The following SH3GL3 variants were observed in gnomAD, a reference collection of about 807,000 sequenced individuals.
SH3GL3 encodes SH3 domain containing GRB2 like 3, endophilin A3.
SH3GL3 carries 33 observed loss-of-function variants against 47.7 expected under a neutral mutation model. The observed-to-expected ratio is 0.69, with a 90% CI of 0.52 to 0.92. The LOEUF (loss-of-function observed/expected upper bound fraction) is 0.92. SH3GL3 is among the 40% of genes least tolerant of loss of function. SH3GL3 has a pLI of 0.00. For missense variants in SH3GL3, 363 were observed against 417.8 expected (o/e 0.87, Z 1.14); for synonymous variants, 155 against 148.8 (o/e 1.04, Z -0.30).
At chr15:83,613,392 A>G (rs1175819660) in intron 8 of SH3GL3, among the ~76,000 whole-genome samples, 1 of 152,210 alleles carries the variant, frequency 6.6e-6, no homozygotes, top group Non-Finnish European at 1.5e-5. Context: ...AAAGTGGGCA[A>G]TGTGGCAGTG....
intron 1 of SH3GL3, among the ~76,000 whole-genome samples, chr15:83,513,477 G>T (rs150616855): frequency 1.8e-4 from 27 of 152,210 alleles, no homozygotes; most frequent in African/African-American, 6.5e-4. Context: ...GCATCCTGTG[G>T]TGCCTCGGCT....
intron 8 of SH3GL3, among the ~76,000 whole-genome samples, chr15:83,601,120 T>C (rs182597835): frequency 1.8e-4 from 27 of 152,286 alleles, no homozygotes; most frequent in African/African-American, 6.5e-4. Context: ...GTTTTCTAGG[T>C]ATACAATTAT....
At chr15:83,495,432 G>A (rs2042040647) in intron 1 of SH3GL3, among the ~76,000 whole-genome samples, 1 of 152,194 alleles carries the variant, frequency 6.6e-6, no homozygotes, top group Non-Finnish European at 1.5e-5. Context: ...GAATGTGAGG[G>A]AATAAGAAAA....
chr15:83,593,646 G>A lies in SH3GL3; in HGVS notation c.838+4875G>A, dbSNP rs184486037. 2.0e-3 allele frequency among the ~76,000 whole-genome samples: 305 copies of A among 152,174 alleles called. 2 individuals are homozygous for A. The highest frequency in any genetic ancestry group is 0.013 in the Admixed American group (203 of 15,290). On this transcript the variant is annotated intron_variant, in intron 8 of 8. Coordinates refer to ENST00000427482, the MANE Select transcript of SH3GL3 (RefSeq NM_003027.5). ...GATGTTCACGTCATCTATAAATGAA[G>A]ACAGTTTTACTCAATATCTGCATGC...
chr15:83,495,662 AGGAGGC>A (rs1300625589), intron 1 of SH3GL3, among the ~76,000 whole-genome samples: 1 of 152,086 alleles, frequency 6.6e-6, no homozygotes, highest in African/African-American at 2.4e-5. Context: ...GCTTGAACCC[AGGAGGC>A]GGAGGTTGCA....
At chr15:83,555,777 T>C (rs898718638) in intron 1 of SH3GL3, among the ~76,000 whole-genome samples, 1 of 152,240 alleles carries the variant, frequency 6.6e-6, no homozygotes, top group Non-Finnish European at 1.5e-5. Context: ...TTAGATCCTT[T>C]TGTACTCAGC....
chr15:83,610,830 A>G (rs374265189), intron 8 of SH3GL3, among the ~76,000 whole-genome samples: 1 of 152,124 alleles, frequency 6.6e-6, no homozygotes, highest in East Asian at 1.9e-4. Context: ...GCACATGGTA[A>G]ACACTAACAC....
intron 1 of SH3GL3, among the ~76,000 whole-genome samples, chr15:83,514,932 A>G (rs1236625136): frequency 6.6e-6 from 1 of 152,068 alleles, no homozygotes; most frequent in Non-Finnish European, 1.5e-5. Flanking sequence ...CAATGCGAGG[A>G]TGGAAGCAAG....
In SH3GL3 at chr15:83,533,897, C is replaced by T. The variant is rs138719730; in HGVS notation, c.46-25356C>T. On this transcript the variant is annotated intron_variant, in intron 1 of 8. Coordinates refer to ENST00000427482, the MANE Select transcript of SH3GL3 (RefSeq NM_003027.5). ...TTCCCTCTGGTTAGTATTTACTTGACTCATGCAATGTACGTTTTTATTTCT... is the reference window on the plus strand; with the variant it reads ...TTCCCTCTGGTTAGTATTTACTTGATTCATGCAATGTACGTTTTTATTTCT... 8.2e-3 allele frequency among the ~76,000 whole-genome samples: 1,251 copies of T among 152,256 alleles called. 21 individuals carry two copies. Among genetic ancestry groups the T allele is most frequent in the Non-Finnish European group, 8.9e-3 (603 of 68,010 alleles).
chr15:83,515,068 C>CT (rs1226381321), intron 1 of SH3GL3, among the ~76,000 whole-genome samples: 1 of 152,118 alleles, frequency 6.6e-6, no homozygotes, highest in African/African-American at 2.4e-5. Flanking sequence ...CTGCCAGCCC[C>CT]TTGATTTTAG....
At chr15:83,570,266 C>T (rs2045749944) in intron 4 of SH3GL3, among the ~76,000 whole-genome samples, 1 of 152,036 alleles carries the variant, frequency 6.6e-6, no homozygotes, top group Non-Finnish European at 1.5e-5. Flanking sequence ...CCAACTTTCT[C>T]CTGATGATTT....
intron 1 of SH3GL3, among the ~76,000 whole-genome samples, chr15:83,467,285 C>CA (rs2040612617): frequency 6.6e-6 from 1 of 152,212 alleles, no homozygotes; most frequent in South Asian, 2.1e-4. Context: ...CCACGTGTTG[C>CA]AAAGGCTATC....
At chr15:83,612,701 C>T (rs2060701247) in intron 8 of SH3GL3, among the ~76,000 whole-genome samples, 1 of 152,312 alleles carries the variant, frequency 6.6e-6, no homozygotes, top group East Asian at 1.9e-4. Flanking sequence ...ACCCTCTTCT[C>T]ACTGCAGGCC....
intron 1 of SH3GL3, among the ~76,000 whole-genome samples, chr15:83,487,409 G>A (rs149432097): frequency 0.012 from 1,747 of 151,518 alleles, 17 homozygotes; most frequent in Non-Finnish European, 0.015. Flanking sequence ...TCTTTTTTCC[G>A]TCTGTTTACT....
intron 1 of SH3GL3, among the ~76,000 whole-genome samples, chr15:83,515,938 AC>A (rs1418611534): frequency 3.3e-5 from 5 of 152,248 alleles, no homozygotes; most frequent in Non-Finnish European, 7.3e-5. Context: ...AGAAACATAT[AC>A]ATCACAGTAA....
intron 6 of SH3GL3, among the ~76,000 whole-genome samples, chr15:83,583,093 C>T (rs1290871449): frequency 1.3e-5 from 2 of 152,174 alleles, no homozygotes; most frequent in African/African-American, 4.8e-5. Context: ...TGAAGGTGAC[C>T]TCTATGGGAA....
At chr15:83,507,426 T>A (rs945677940) in intron 1 of SH3GL3, among the ~76,000 whole-genome samples, 25 of 152,046 alleles carry the variant, frequency 1.6e-4, no homozygotes, top group African/African-American at 3.9e-4. Context: ...TATTATTATT[T>A]TTTTTTTGAG....
At chr15:83,601,513 T>C (rs1431952849) in intron 8 of SH3GL3, among the ~76,000 whole-genome samples, 2 of 152,242 alleles carry the variant, frequency 1.3e-5, no homozygotes, top group African/African-American at 4.8e-5. Context: ...GACTTGCGTA[T>C]GTTAAACCAT....
At chr15:83,473,432 G>A (rs1476094431) in intron 1 of SH3GL3, among the ~76,000 whole-genome samples, 3 of 152,088 alleles carry the variant, frequency 2.0e-5, no homozygotes, top group South Asian at 4.2e-4. Flanking sequence ...GGCTGGAGTA[G>A]AGCAGTTATT....
Sources: allele counts gnomAD v4.1 joint callset (sites outside exome capture counted in the v4.1 genomes callset), GRCh38; gene constraint gnomAD v4.1.1; transcripts MANE v1.5; gene names NCBI Gene and HGNC (gene_info 2026-07-23, HGNC 2026-07-21).